The following AHRR variants were observed in gnomAD, a reference collection of about 807,000 sequenced individuals.
The protein encoded by AHRR is aryl hydrocarbon receptor repressor.
A neutral mutation model predicts 44.0 loss-of-function variants in AHRR; 28 were observed. The observed-to-expected ratio is 0.64, with a 90% confidence interval of 0.47 to 0.87. AHRR has a LOEUF of 0.87. AHRR is among the 40% of genes least tolerant of loss of function. The pLI is 0.00. For synonymous variants in AHRR, 434 were observed against 407.0 expected (o/e 1.07, Z -0.80); for missense variants, 990 against 953.9 (o/e 1.04, Z -0.50).
At chr5:415,723 C>T (rs1194670414) in intron 5 of AHRR, among the ~76,000 whole-genome samples, 1 of 152,148 alleles carries the variant, frequency 6.6e-6, no homozygotes, top group African/African-American at 2.4e-5. Flanking sequence ...GGCTGGGAGG[C>T]CTAGGGGCTG....
intron 4 of AHRR, among the ~76,000 whole-genome samples, chr5:390,389 G>T (rs142229651): frequency 6.6e-6 from 1 of 152,284 alleles, no homozygotes; most frequent in African/African-American, 2.4e-5. Context: ...CTGTCATCAG[G>T]ATCCTCGGAG....
chr5:423,766 G>T, intron 6 of AHRR, 75 bp from the exon 7 acceptor site: 6 of 1,516,172 alleles, frequency 4.0e-6, no homozygotes, highest in Non-Finnish European at 4.4e-6. Flanking sequence ...TGAGAGCCGT[G>T]GGCGTGGTTG....
chr5:403,991 C>T, intron 4 of AHRR: 3 of 1,105,596 alleles, frequency 2.7e-6, no homozygotes, highest in African/African-American at 1.5e-5. Context: ...GCTTTCTTTA[C>T]AGTAATTCGA....
At chr5:341,712 T>C (rs1742356528) in intron 1 of AHRR, among the ~76,000 whole-genome samples, 1 of 152,046 alleles carries the variant, frequency 6.6e-6, no homozygotes, top group African/African-American at 2.4e-5. Flanking sequence ...TTATGTTTTA[T>C]CTCTTATCGA....
At position 434,666 on chromosome 5, in the gene AHRR, G is replaced by C. The variant is rs559146070; in HGVS notation, c.1926G>C (p.Gln642His). 6.4e-6 allele frequency: 10 copies of C among 1,567,966 alleles called. No homozygotes were observed. The South Asian group carries it at 1.1e-4, about 16-fold the overall frequency. Residue 642 changes from glutamine to histidine, a missense_variant, in exon 11 of 11, where the codon CAG becomes CAC. Transcript: ENST00000684583. ...TCTGTGCACGGGGCCGAGGTGAACA[G>C]TCCTGCACCTGCAGAGCTGCTGAGG... is the stretch of plus-strand genomic sequence containing the variant. ...HQLCARGRGE[Q>H]SCTCRAAEAA...
At chr5:354,745 C>T (rs952214421) in intron 3 of AHRR, among the ~76,000 whole-genome samples, 5 of 152,128 alleles carry the variant, frequency 3.3e-5, no homozygotes, top group Non-Finnish European at 5.9e-5. Flanking sequence ...CAGTTGTGCC[C>T]GGTGCCTGCA....
chr5:353,584 G>T, intron 2 of AHRR, 146 bp from the exon 3 acceptor site: 1 of 691,596 alleles, frequency 1.4e-6, no homozygotes. Context: ...CTTGAGGCAT[G>T]GGTGAGCTTT....
rs1735155258 is a variant in AHRR at position 404,156 on chromosome 5, G to C, written c.352-9188G>C. The C allele has an allele frequency of 1.9e-6, 1 of 536,760 alleles. No individual in the cohort carries two copies. Among genetic ancestry groups the C allele is most frequent in the South Asian group, 1.7e-5 (1 of 60,212 alleles). 33.2% of individuals were successfully genotyped at this position (536,760 alleles called of 1,614,324 possible). A position where few individuals can be genotyped will look rare whatever the true frequency, so the allele number is the denominator to read the frequency against. ...GTCTCTCTCAGCCTCAGCCGTTCCTGGTGGGTCTGCATTCCTGTCACGAGC... is the reference window on the plus strand; with the variant it reads ...GTCTCTCTCAGCCTCAGCCGTTCCTCGTGGGTCTGCATTCCTGTCACGAGC... On this transcript the variant is annotated intron_variant, in intron 4 of 10. Coordinates refer to ENST00000684583, the MANE Select transcript of AHRR (RefSeq NM_001377236.1). This position sits in a 1 kb window ranked among gnomAD's most constrained non-coding sequence, Gnocchi z 4.1.
At chr5:352,075 A>G (rs1012745875) in intron 2 of AHRR, among the ~76,000 whole-genome samples, 2 of 152,332 alleles carry the variant, frequency 1.3e-5, no homozygotes, top group Non-Finnish European at 1.5e-5. Flanking sequence ...CAGTCTCCCC[A>G]TGCATTCCCA....
intron 8 of AHRR, among the ~76,000 whole-genome samples, chr5:429,402 G>C (rs1736618860): frequency 6.6e-6 from 1 of 152,196 alleles, no homozygotes; most frequent in African/African-American, 2.4e-5. Flanking sequence ...ACCTGGGCGA[G>C]TTGCCGCTCC....
Position 427,903 on chromosome 5 carries a change from A to G in AHRR, c.805A>G (p.Ile269Val), listed in dbSNP as rs373769011. Residue 269 changes from isoleucine to valine, a missense_variant, in exon 8 of 11, where the codon ATT (isoleucine) becomes GTT (valine). Ile to Val is a conservative substitution (Grantham distance 29). Coordinates refer to ENST00000684583, the MANE Select transcript of AHRR (RefSeq NM_001377236.1). ...CCCGCCGCGGCTGTCGCTGTTCTGC[A>G]TTGCGGCACCCGTTCTCCTCCCCTC... ...MLPPRLSLFC[I>V]AAPVLLPSAA... 1.2e-6 allele frequency: 2 copies of G among 1,614,122 alleles called. No individual in the cohort carries two copies. The highest frequency in any genetic ancestry group is 1.7e-6 in the Non-Finnish European group (2 of 1,180,048).
chr5:421,282 G>T (rs535600720), intron 5 of AHRR: 1 of 698,674 alleles, frequency 1.4e-6, no homozygotes, highest in South Asian at 1.5e-5. Flanking sequence ...GCACGGAACG[G>T]GCGAGGCTGT....
chr5:343,232 A>G (rs1742406706), intron 1 of AHRR, among the ~76,000 whole-genome samples: 1 of 148,092 alleles, frequency 6.8e-6, no homozygotes, highest in Admixed American at 6.8e-5. Flanking sequence ...GAAACACGGG[A>G]CCCCACATAC....
At chr5:369,798 T>A (rs1327502866) in intron 3 of AHRR, among the ~76,000 whole-genome samples, 1 of 152,266 alleles carries the variant, frequency 6.6e-6, no homozygotes, top group Non-Finnish European at 1.5e-5. Context: ...CAAGAATCAC[T>A]AAATGACATT....
chr5:371,156 G>A (rs552954967), intron 3 of AHRR, among the ~76,000 whole-genome samples: 1 of 152,140 alleles, frequency 6.6e-6, no homozygotes, highest in Admixed American at 6.5e-5. Flanking sequence ...AGGAAAAAGG[G>A]GTGACTCCTC....
intron 3 of AHRR, among the ~76,000 whole-genome samples, chr5:364,306 A>C (rs1167831772): frequency 2.0e-5 from 3 of 152,238 alleles, no homozygotes; most frequent in Non-Finnish European, 2.9e-5. Flanking sequence ...GGGGGAATGA[A>C]AAACAAGAAG....
intron 1 of AHRR, among the ~76,000 whole-genome samples, chr5:333,539 T>C (rs928222085): frequency 6.6e-6 from 1 of 152,094 alleles, no homozygotes; most frequent in Non-Finnish European, 1.5e-5. Context: ...GAGGTTGCAG[T>C]GAACTGAGAT....
chr5:424,053 G>A lies in AHRR; in HGVS notation c.708+76G>A, dbSNP rs537199080. The A allele has an allele frequency of 4.2e-5, 65 of 1,540,106 alleles. No homozygotes were observed. In the South Asian group the frequency reaches 6.8e-4, roughly 16 times the overall value. ...TACCCTGGTGTGGAAGGAAACAGAG[G>A]GCAAGAGGGGGTGGGGGCGTTAAAC... On this transcript the variant is annotated intron_variant, in intron 7 of 10. Transcript: ENST00000684583.
At chr5:340,838 A>G (rs1187441039) in intron 1 of AHRR, among the ~76,000 whole-genome samples, 1 of 147,880 alleles carries the variant, frequency 6.8e-6, no homozygotes, top group Non-Finnish European at 1.5e-5. Flanking sequence ...CTGGGATTAC[A>G]GGCATGCGCC....
Sources: gnomAD v4.1 joint callset for allele counts (sites outside exome capture counted in the v4.1 genomes callset) on GRCh38, gnomAD v4.1.1 for gene constraint, Gnocchi (gnomAD v3.1) non-coding constraint, MANE v1.5 for transcripts, NCBI Gene and HGNC (gene_info 2026-07-23, HGNC 2026-07-21) for gene names.